Variants in SLC15A1 observed in about 807,000 individuals in gnomAD.
SLC15A1 encodes Caco-2 oligopeptide transporter.
A neutral mutation model predicts 92.9 loss-of-function variants in SLC15A1; 83 were observed. The observed-to-expected ratio is 0.89, with a 90% CI of 0.75 to 1.07. SLC15A1 has a LOEUF of 1.07. Among genes scored for constraint, SLC15A1 ranks in the 50% least tolerant of loss-of-function variants. The probability of loss-of-function intolerance (pLI) is 0.00; values close to 1 mark genes in which losing one functional copy is unlikely to be tolerated. For synonymous variants in SLC15A1, 322 were observed against 318.2 expected, an observed-to-expected ratio of 1.01 and a Z score of -0.13; for missense variants, 857 against 880.1, an observed-to-expected ratio of 0.97 and a Z score of 0.33.
At chr13:98,752,461 GCC>G in intron 1 of SLC15A1, 132 bp downstream of exon 1, 2 of 834,096 alleles carry the variant, frequency 2.4e-6, no homozygotes, top group Non-Finnish European at 1.6e-6. Flanking sequence ...CAACCTCCCG[GCC>G]CCCGTGGGCC....
chr13:98,748,261 C>G (rs1185736581), intron 1 of SLC15A1, among the ~76,000 whole-genome samples: 1 of 152,080 alleles, frequency 6.6e-6, no homozygotes, highest in African/African-American at 2.4e-5. Flanking sequence ...TTTCTCACTC[C>G]TATTCATTTC....
intron 18 of SLC15A1, among the ~76,000 whole-genome samples, chr13:98,701,223 A>G (rs1370164518): frequency 6.6e-6 from 1 of 152,196 alleles, no homozygotes; most frequent in African/African-American, 2.4e-5. Flanking sequence ...GCAATTTTGT[A>G]GTTTTCACCA....
At chr13:98,738,552 C>T (rs1362060008) in intron 1 of SLC15A1, among the ~76,000 whole-genome samples, 2 of 152,282 alleles carry the variant, frequency 1.3e-5, no homozygotes, top group East Asian at 3.8e-4. Flanking sequence ...GCCCAAGATA[C>T]AGCCCAGGCT....
chr13:98,744,073 C>T (rs142155642), intron 1 of SLC15A1, among the ~76,000 whole-genome samples: 761 of 151,988 alleles, frequency 5.0e-3, no homozygotes, highest in Non-Finnish European at 7.1e-3. Context: ...GACCCCACCT[C>T]TACAAAAAAT....
At chr13:98,705,202 GAA>G (rs33982897) in intron 16 of SLC15A1, among the ~76,000 whole-genome samples, 1 of 127,074 alleles carries the variant, frequency 7.9e-6, no homozygotes. Context: ...CTGTATTTAA[GAA>G]AAAAAAAAAA....
intron 1 of SLC15A1, among the ~76,000 whole-genome samples, chr13:98,741,850 T>G (rs2088450732): frequency 6.6e-6 from 1 of 152,206 alleles, no homozygotes; most frequent in African/African-American, 2.4e-5. Context: ...GATGTGTGGT[T>G]TTTGAATGCC....
chr13:98,695,020 C>CAAAAAAAAA (rs1170231960), intron 18 of SLC15A1, among the ~76,000 whole-genome samples: 1 of 73,676 alleles, frequency 1.4e-5, no homozygotes, highest in African/African-American at 5.3e-5. Flanking sequence ...GACTCCGTCT[C>CAAAAAAAAA]AAAAAAAAAA....
intron 1 of SLC15A1, among the ~76,000 whole-genome samples, chr13:98,736,645 G>GA (rs1010779221): frequency 1.3e-5 from 2 of 151,842 alleles, no homozygotes; most frequent in Non-Finnish European, 2.9e-5. Context: ...AAATTTATAA[G>GA]AAAAAAATCA....
At position 98,738,632 on chromosome 13, in the gene SLC15A1, AC is replaced by A. The variant is rs571896102; in HGVS notation, c.5-11774del. On this transcript the variant is annotated intron_variant, in intron 1 of 22. Transcript: ENST00000376503. ...TGGTGTTAAGCCTGCAGGCGCACAG[AC>A]TGCAAAAGTGAGGGAGGCTTGGGAG... 8.5e-5 allele frequency among the ~76,000 whole-genome samples: 13 copies of A among 152,400 alleles called. No individual in the cohort carries two copies. In the South Asian group the frequency reaches 2.7e-3, roughly 32 times the overall value.
At chr13:98,707,875 A>G (rs2088125375) in intron 15 of SLC15A1, among the ~76,000 whole-genome samples, 1 of 140,970 alleles carries the variant, frequency 7.1e-6, no homozygotes, top group Non-Finnish European at 1.5e-5. Context: ...CCTAGGCGAC[A>G]GAGTGAGACC....
intron 18 of SLC15A1, among the ~76,000 whole-genome samples, chr13:98,694,817 G>T (rs2088008208): frequency 6.6e-6 from 1 of 152,068 alleles, no homozygotes; most frequent in Non-Finnish European, 1.5e-5. Context: ...ACGAGATCAG[G>T]AGATTGAGAC....
At chr13:98,739,092 G>A (rs9513475) in intron 1 of SLC15A1, among the ~76,000 whole-genome samples, 89,062 of 152,138 alleles carry the variant, frequency 0.59, 28,265 homozygotes, top group African/African-American at 0.84. Flanking sequence ...TTTTGGACCT[G>A]GGTGGGGCCT....
At chr13:98,693,287 G>A (rs2087996985) in intron 18 of SLC15A1, among the ~76,000 whole-genome samples, 3 of 151,848 alleles carry the variant, frequency 2.0e-5, no homozygotes, top group Non-Finnish European at 2.9e-5. Flanking sequence ...TAGTAGAGAT[G>A]GGGTTTCACC....
intron 1 of SLC15A1, among the ~76,000 whole-genome samples, chr13:98,746,812 C>T (rs2088496640): frequency 6.6e-6 from 1 of 152,302 alleles, no homozygotes; most frequent in Middle Eastern, 3.4e-3. Context: ...TGAGAGACCC[C>T]TTTCCGCAGC....
intron 17 of SLC15A1, 33 bp downstream of exon 17, chr13:98,704,256 C>A: frequency 6.5e-7 from 1 of 1,532,372 alleles, no homozygotes. Context: ...TCACAAATAG[C>A]AAAGAGTCAG....
intron 1 of SLC15A1, among the ~76,000 whole-genome samples, chr13:98,751,143 G>A (rs1280549704): frequency 6.6e-6 from 1 of 151,990 alleles, no homozygotes; most frequent in Non-Finnish European, 1.5e-5. Context: ...ACTAACCCTT[G>A]ATATTGAAAA....
chr13:98,746,701 T>C (rs1566461613), intron 1 of SLC15A1, among the ~76,000 whole-genome samples: 1 of 152,244 alleles, frequency 6.6e-6, no homozygotes, highest in East Asian at 1.9e-4. Context: ...GTGAATTTTC[T>C]ATTTGTTAAT....
At chr13:98,701,787 C>T (rs1298374629) in intron 18 of SLC15A1, among the ~76,000 whole-genome samples, 2 of 151,708 alleles carry the variant, frequency 1.3e-5, no homozygotes, top group Non-Finnish European at 2.9e-5. Context: ...TCTCCTGCCT[C>T]AGCCTCCCGA....
At chr13:98,746,539 C>T (rs1199287695) in intron 1 of SLC15A1, among the ~76,000 whole-genome samples, 3 of 152,120 alleles carry the variant, frequency 2.0e-5, no homozygotes, top group Non-Finnish European at 4.4e-5. Context: ...AAAGGAAAAA[C>T]GTTTATTTCC....
Sources: gnomAD v4.1 joint callset for allele counts (sites outside exome capture counted in the v4.1 genomes callset) on GRCh38, gnomAD v4.1.1 for gene constraint, MANE v1.5 for transcripts, NCBI Gene and HGNC (gene_info 2026-07-23, HGNC 2026-07-21) for gene names.